LRP8: variants seen among roughly 807,000 people sequenced by gnomAD.
The protein encoded by LRP8 is LDL receptor related protein 8, also known as low-density lipoprotein receptor-related protein 8.
A neutral mutation model predicts 111.6 loss-of-function variants in LRP8; 46 were observed. The observed-to-expected ratio is 0.41, with a 90% CI of 0.33 to 0.53. The LOEUF (loss-of-function observed/expected upper bound fraction) is 0.53. LRP8 is among the 20% of genes least tolerant of loss of function. The probability of loss-of-function intolerance (pLI) is 0.20; values close to 1 mark genes in which losing one functional copy is unlikely to be tolerated. For missense variants in LRP8, 959 were observed against 1,297.4 expected, an observed-to-expected ratio of 0.74 and a Z score of 4.01; for synonymous variants, 464 against 511.2, an observed-to-expected ratio of 0.91 and a Z score of 1.24.
chr1:53,257,280 C>T lies in LRP8; in HGVS notation c.2394G>A (p.Pro798=), dbSNP rs2297662. 100 of 1,614,080 alleles carry T rather than the reference C, an allele frequency of 6.2e-5. 1 individual carries two copies. The East Asian group carries it at 1.8e-3, about 29-fold the overall frequency. The change falls in exon 15 of 19, where the codon CCG becomes CCA. Residue 798 remains proline (P), a synonymous_variant. Coordinates refer to ENST00000306052, the MANE Select transcript of LRP8 (RefSeq NM_004631.5). ...TGCTGGTTGCAGGGCTTAGGGTAGACGGGCTGATGCTGGGAGCCCTGGGGA... is the reference window on the plus strand; with the variant it reads ...TGCTGGTTGCAGGGCTTAGGGTAGATGGGCTGATGCTGGGAGCCCTGGGGA... The part of the protein sequence containing the change: ...VSVPRAPSIS[P]STLSPATSNH...
At chr1:53,258,290 G>A (rs750262664) in intron 14 of LRP8, 29 bp downstream of exon 14, 1 of 1,605,334 alleles carries the variant, frequency 6.2e-7, no homozygotes, top group Non-Finnish European at 8.5e-7. Context: ...ACACTGCCAG[G>A]GGCCATCCCT....
intron 2 of LRP8, among the ~76,000 whole-genome samples, chr1:53,319,724 G>A (rs1177268069): frequency 6.6e-6 from 1 of 152,224 alleles, no homozygotes; most frequent in Non-Finnish European, 1.5e-5. Flanking sequence ...ATGGCAGCTT[G>A]TGAGAGGAGC....
At chr1:53,268,373 C>G (rs949032649) in intron 8 of LRP8, 2 of 152,136 alleles carry the variant, frequency 1.3e-5, no homozygotes, top group African/African-American at 4.8e-5. Context: ...TTTGTATATG[C>G]ATGGGTAGTT....
At chr1:53,327,289 T>G (rs72897411) in intron 1 of LRP8, 10,152 of 431,660 alleles carry the variant, frequency 0.024, 394 homozygotes, top group African/African-American at 0.1. Flanking sequence ...AGAGATCTGC[T>G]CAGATACAGC....
Position 53,246,956 on chromosome 1 carries a change from A to G in LRP8, c.*62T>C. On this transcript the variant is annotated 3_prime_UTR_variant, in exon 19 of 19. Coordinates refer to ENST00000306052, the MANE Select transcript of LRP8 (RefSeq NM_004631.5). ...TAGAAACCCATTCATCCAGTCATAC[A>G]CCATCCAGAGTGTAGTGCATGGGAC... 2 of 1,442,820 alleles carry G rather than the reference A, an allele frequency of 1.4e-6. No individual in the cohort carries two copies. The highest frequency in any genetic ancestry group is 1.9e-6 in the Non-Finnish European group (2 of 1,030,424). 89.4% of individuals were successfully genotyped at this position (1,442,820 alleles called of 1,614,324 possible).
chr1:53,313,635 G>A (rs1019424814), intron 2 of LRP8, among the ~76,000 whole-genome samples: 2 of 152,202 alleles, frequency 1.3e-5, no homozygotes, highest in African/African-American at 4.8e-5. Flanking sequence ...GACAAGCAGA[G>A]ATGGAGCCTT....
chr1:53,325,064 C>T (rs908714087), intron 2 of LRP8, among the ~76,000 whole-genome samples: 2 of 152,226 alleles, frequency 1.3e-5, no homozygotes, highest in South Asian at 2.1e-4. Context: ...AGCCCAGACA[C>T]GCAGTTTCTA....
rs1304545255 is a variant in LRP8 at position 53,246,359 on chromosome 1, G to A, written c.*659C>T. 7.2e-5 allele frequency: 11 copies of A among 152,128 alleles called. No homozygotes were observed. Among genetic ancestry groups the A allele is most frequent in the Admixed American group, 6.6e-4 (10 of 15,262 alleles). The allele number at this position is 152,128 out of a possible 1,614,324, so 9.4% of individuals were successfully genotyped here. A position where few individuals can be genotyped will look rare whatever the true frequency, so the allele number is the denominator to read the frequency against. ...TTTATGTATTTGAACAGTAGCCATAGATGTGCCTCTTCTCTACAGATTTTT... is the reference window on the plus strand; with the variant it reads ...TTTATGTATTTGAACAGTAGCCATAAATGTGCCTCTTCTCTACAGATTTTT... On this transcript the variant is annotated 3_prime_UTR_variant, in exon 19 of 19. Coordinates refer to ENST00000306052, the MANE Select transcript of LRP8 (RefSeq NM_004631.5).
At chr1:53,253,912 G>T (rs1645982709) in intron 16 of LRP8, among the ~76,000 whole-genome samples, 1 of 152,036 alleles carries the variant, frequency 6.6e-6, no homozygotes, top group Non-Finnish European at 1.5e-5. Context: ...CTACCTTAAA[G>T]GACTTTATTT....
Position 53,257,308 on chromosome 1 carries a change from C to T in LRP8, c.2366G>A (p.Ser789Asn), listed in dbSNP as rs1646132005. ...GCTGATGCTGGGAGCCCTGGGGACA[C>T]TAACTGAGCTTGGGACTGCAGCTGT... ...SLTAAVPSSV[S>N]VPRAPSISPS... Residue 789 changes from serine (S) to asparagine (N), a missense_variant, in exon 15 of 19, where the codon AGT becomes AAT. Around this residue, in one of 3 missense-constraint regions of LRP8, gnomAD observed 819 missense variants for 1,097.6 expected, o/e 0.75. Coordinates refer to ENST00000306052, the MANE Select transcript of LRP8 (RefSeq NM_004631.5). The T allele has an allele frequency of 2.5e-6, 4 of 1,614,156 alleles. No individual in the cohort carries two copies. Among genetic ancestry groups the T allele is most frequent in the Non-Finnish European group, 3.4e-6 (4 of 1,180,028 alleles).
intron 2 of LRP8, among the ~76,000 whole-genome samples, chr1:53,319,981 A>C (rs1654290096): frequency 6.6e-6 from 1 of 152,274 alleles, no homozygotes; most frequent in African/African-American, 2.4e-5. Context: ...CCAGACAGGC[A>C]TGGCCCAGTC....
chr1:53,243,974 G>T lies in LRP8; in HGVS notation c.*3044C>A, dbSNP rs1174981593. Reference sequence around the variant, plus strand: ...CAGGTGTGTAGTTGGTATCTAGTGAGTGGTTTTAGTGAATGAATATACTGC... The same window carrying T: ...CAGGTGTGTAGTTGGTATCTAGTGATTGGTTTTAGTGAATGAATATACTGC... On this transcript the variant is annotated 3_prime_UTR_variant, in exon 19 of 19. Transcript: ENST00000306052. 6.6e-6 allele frequency: 1 copy of T among 152,200 alleles called. No homozygotes were observed. The highest frequency in any genetic ancestry group is 1.9e-4 in the East Asian group (1 of 5,204). The allele number at this position is 152,200 out of a possible 1,614,324, so 9.4% of individuals were successfully genotyped here. A position where few individuals can be genotyped will look rare whatever the true frequency, so the allele number is the denominator to read the frequency against.
At chr1:53,251,870 C>A (rs1435572244) in intron 16 of LRP8, among the ~76,000 whole-genome samples, 1 of 151,316 alleles carries the variant, frequency 6.6e-6, no homozygotes, top group East Asian at 2.0e-4. Flanking sequence ...ATGGCGAAAA[C>A]CCATCTCTAC....
intron 15 of LRP8, 65 bp downstream of exon 15, chr1:53,257,175 C>G: frequency 1.4e-6 from 2 of 1,466,198 alleles, no homozygotes; most frequent in Non-Finnish European, 1.9e-6. Flanking sequence ...TTATCACATA[C>G]CCCCTTCCTG....
In LRP8 at chr1:53,258,449, A is replaced by T; in HGVS notation, c.2079T>A (p.Ser693Arg). 6.2e-7 allele frequency: 1 copy of T among 1,614,040 alleles called. No individual in the cohort carries two copies. The highest frequency in any genetic ancestry group is 8.5e-7 in the Non-Finnish European group (1 of 1,179,988). The change falls in exon 14 of 19, where the codon AGT becomes AGA. Residue 693 changes from serine (S) to arginine (R), a missense_variant. By Grantham distance (110) the Ser-to-Arg change is moderately radical (BLOSUM62 -1). Transcript: ENST00000306052. The stretch of plus-strand genomic sequence containing the variant: ...ATTCACAGCCTCCATTAGGCTGGAC[A>T]CTCAGCTCACAGGCATCTGGAGCTA... ...QPRAPDACEL[S>R]VQPNGGCEYL...
chr1:53,265,022 A>G (rs1646498274), intron 9 of LRP8, among the ~76,000 whole-genome samples: 1 of 152,144 alleles, frequency 6.6e-6, no homozygotes, highest in South Asian at 2.1e-4. Context: ...TGTGGCATCT[A>G]TGGAGTGGAT....
intron 14 of LRP8, 46 bp downstream of exon 14, chr1:53,258,273 G>T: frequency 6.3e-7 from 1 of 1,580,198 alleles, no homozygotes; most frequent in Non-Finnish European, 8.6e-7. Context: ...CAGCAGGGTA[G>T]GGTCTGACAC....
intron 2 of LRP8, among the ~76,000 whole-genome samples, chr1:53,321,122 G>T (rs1654455211): frequency 6.6e-6 from 1 of 152,224 alleles, no homozygotes; most frequent in Admixed American, 6.5e-5. Flanking sequence ...TTGAGGAAAC[G>T]ACTTTGGAAT....
rs1006049454 is a variant in LRP8 at position 53,275,991 on chromosome 1, G to A, written c.884-238C>T. On this transcript the variant is annotated intron_variant, in intron 5 of 18. Transcript: ENST00000306052. The surrounding 1 kb of genome is among the most constrained non-coding windows in gnomAD (Gnocchi z 4.4). ...ACAGCACTCTGGCTGGCAGATTCAG[G>A]ACTAAACCCAGATCTCCTGTTTCCC... 3.3e-5 allele frequency among the ~76,000 whole-genome samples: 5 copies of A among 152,134 alleles called. No homozygotes were observed. Among genetic ancestry groups the A allele is most frequent in the Non-Finnish European group, 5.9e-5 (4 of 68,038 alleles).
Sources: gnomAD v4.1 joint callset for allele counts (sites outside exome capture counted in the v4.1 genomes callset) on GRCh38, gnomAD v4.1.1 for gene constraint, gnomAD v4.1.1 regional missense constraint, Gnocchi (gnomAD v3.1) non-coding constraint, MANE v1.5 for transcripts, NCBI Gene and HGNC (gene_info 2026-07-23, HGNC 2026-07-21) for gene names.